The following TPGS2 variants were observed in gnomAD, a reference collection of about 807,000 sequenced individuals.
TPGS2 encodes tubulin polyglutamylase complex subunit 2.
In TPGS2, 26 loss-of-function variants were observed where a neutral mutation model predicts 31.1. That is an observed-to-expected ratio of 0.84 (90% CI 0.61 to 1.16). The LOEUF (loss-of-function observed/expected upper bound fraction) is 1.16. Among genes scored for constraint, TPGS2 ranks in the 50% most tolerant of loss-of-function variants. The probability of loss-of-function intolerance (pLI) is 0.00; values close to 1 mark genes in which losing one functional copy is unlikely to be tolerated. For synonymous variants in TPGS2, 130 were observed against 136.6 expected, an observed-to-expected ratio of 0.95 and a Z score of 0.34; for missense variants, 351 against 363.8, an observed-to-expected ratio of 0.96 and a Z score of 0.29.
At chr18:36,799,739 G>T (rs992437176) in intron 5 of TPGS2, among the ~76,000 whole-genome samples, 1 of 152,186 alleles carries the variant, frequency 6.6e-6, no homozygotes, top group East Asian at 1.9e-4. Context: ...CTGAAGTGCT[G>T]TTAGGGGGCT....
chr18:36,786,489 T>C (rs1305933845), intron 6 of TPGS2: 1 of 164,428 alleles, frequency 6.1e-6, no homozygotes, highest in Non-Finnish European at 1.3e-5. Context: ...AGTGCTGCGA[T>C]TACAGGCCTG....
At chr18:36,808,213 A>C (rs2045257425) in intron 2 of TPGS2, among the ~76,000 whole-genome samples, 1 of 152,182 alleles carries the variant, frequency 6.6e-6, no homozygotes, top group Non-Finnish European at 1.5e-5. Context: ...CAAAGGGAAC[A>C]AGCTGAAGAG....
chr18:36,796,624 C>G lies in TPGS2; in HGVS notation c.*181G>C. ...TTCCAGAGGCAGGGGACAGCACAAC[C>G]TGCTCTGGAGGCCTCACTACGAGCC... On this transcript the variant is annotated 3_prime_UTR_variant, in exon 7 of 7. Transcript: ENST00000334295. 1 of 1,369,466 alleles carries G rather than the reference C, an allele frequency of 7.3e-7. No homozygotes were observed. 84.8% of individuals were successfully genotyped at this position (1,369,466 alleles called of 1,614,324 possible).
chr18:36,805,784 G>C (rs565945925), intron 3 of TPGS2, among the ~76,000 whole-genome samples: 39 of 152,210 alleles, frequency 2.6e-4, no homozygotes, highest in Admixed American at 9.2e-4. Context: ...ACAAAGAACT[G>C]GGAAATCTGG....
rs1341412091 is a variant in TPGS2, at chr18:36,800,314, G to A, written c.383-3C>T. On this transcript the variant is annotated splice_region_variant and splice_polypyrimidine_tract_variant and intron_variant, in intron 4 of 6. Coordinates refer to ENST00000334295, the MANE Select transcript of TPGS2 (RefSeq NM_015476.4). ...CTTCTCTGGCTGATCATCACTGGCT[G>A]CAAACCCAGAAGTTAATGGTAATGT... 1.2e-6 allele frequency: 2 copies of A among 1,613,458 alleles called. No individual in the cohort carries two copies. The highest frequency in any genetic ancestry group is 1.1e-5 in the South Asian group (1 of 91,024).
Position 36,796,692 on chromosome 18 carries a change from T to G in TPGS2, c.*113A>C. 1 of 1,466,482 alleles carries G rather than the reference T, an allele frequency of 6.8e-7. No individual in the cohort carries two copies. The highest frequency in any genetic ancestry group is 2.5e-5 in the East Asian group (1 of 39,426). The allele number at this position is 1,466,482 out of a possible 1,614,324, so 90.8% of individuals were successfully genotyped here. A position where few individuals can be genotyped will look rare whatever the true frequency, so the allele number is the denominator to read the frequency against. On this transcript the variant is annotated 3_prime_UTR_variant, in exon 7 of 7. Coordinates refer to ENST00000334295, the MANE Select transcript of TPGS2 (RefSeq NM_015476.4). The stretch of plus-strand genomic sequence containing the variant: ...ACTAAAAGCCTTACAATTTTGGTCA[T>G]TCAACTAGAAAGAGGCCTACGGTCC...
downstream of TPGS2, among the ~76,000 whole-genome samples, chr18:36,793,104 A>G (rs1247609713): frequency 1.3e-5 from 2 of 152,158 alleles, no homozygotes; most frequent in Non-Finnish European, 1.5e-5. Flanking sequence ...CTGTGCAGTC[A>G]CACAGGGCCC....
At chr18:36,793,635 C>T (rs1336292315), downstream of TPGS2, among the ~76,000 whole-genome samples, 1 of 152,036 alleles carries the variant, frequency 6.6e-6, no homozygotes, top group African/African-American at 2.4e-5. Flanking sequence ...ACTGTTGTGG[C>T]AAGAACGAAA....
chr18:36,803,562 C>T (rs576975781), intron 4 of TPGS2, among the ~76,000 whole-genome samples: 8 of 152,144 alleles, frequency 5.3e-5, no homozygotes, highest in African/African-American at 1.7e-4. Context: ...ACTGCCTTTC[C>T]ATCTATTTTC....
Position 36,795,709 on chromosome 18 carries a change from G to T in TPGS2, c.*1096C>A, listed in dbSNP as rs2044495687. On this transcript the variant is annotated 3_prime_UTR_variant, in exon 7 of 7. Transcript: ENST00000334295. ...TTCCCCCATATGTCAATGGGAAAATGATTTCTGAATTACAGGCAACTTGCT... is the reference window on the plus strand; with the variant it reads ...TTCCCCCATATGTCAATGGGAAAATTATTTCTGAATTACAGGCAACTTGCT... 6.1e-6 allele frequency: 6 copies of T among 985,446 alleles called. No homozygotes were observed. The South Asian group carries it at 2.8e-4, about 46-fold the overall frequency. The allele number at this position is 985,446 out of a possible 1,614,324, so 61.0% of individuals were successfully genotyped here.
downstream of TPGS2, chr18:36,780,108 G>A: frequency 8.1e-6 from 10 of 1,229,594 alleles, no homozygotes; most frequent in Non-Finnish European, 1.0e-5. Context: ...AGTTCCACAG[G>A]CTCGCCTCTT....
chr18:36,823,812 C>G, intron 1 of TPGS2: 1 of 985,220 alleles, frequency 1.0e-6, no homozygotes, highest in South Asian at 4.7e-5. Flanking sequence ...CCTGGATAAT[C>G]TTGCTTTTGC....
At chr18:36,785,371 C>T (rs890893170) in intron 6 of TPGS2, among the ~76,000 whole-genome samples, 1 of 152,170 alleles carries the variant, frequency 6.6e-6, no homozygotes, top group African/African-American at 2.4e-5. Context: ...ATCAATTATA[C>T]ATAACTGGTC....
At chr18:36,800,440 T>C (rs2044750674) in intron 4 of TPGS2, 129 bp from the exon 5 acceptor site, 1 of 744,596 alleles carries the variant, frequency 1.3e-6, no homozygotes, top group South Asian at 1.6e-5. Context: ...TTAAGTAGTA[T>C]TTACAAATAA....
chr18:36,802,127 T>C (rs1481826216), intron 4 of TPGS2, among the ~76,000 whole-genome samples: 1 of 152,224 alleles, frequency 6.6e-6, no homozygotes, highest in African/African-American at 2.4e-5. Flanking sequence ...AAAATCACTG[T>C]TTTATATATT....
chr18:36,820,232 G>C lies in TPGS2; in HGVS notation c.86-1259C>G, dbSNP rs982104505. Among the ~76,000 whole-genome samples, 3 of 152,236 alleles carry C rather than the reference G, an allele frequency of 2.0e-5. No individual in the cohort carries two copies. In the East Asian group the frequency reaches 5.8e-4, roughly 29 times the overall value. On this transcript the variant is annotated intron_variant, in intron 1 of 6. Transcript: ENST00000334295. The stretch of plus-strand genomic sequence containing the variant: ...GGGTCTTCACTTCCCTTTACCTTCA[G>C]TAAGTAAAAATAGACCTTGGGTTTG...
intron 4 of TPGS2, among the ~76,000 whole-genome samples, chr18:36,802,054 C>T (rs2044844569): frequency 6.6e-6 from 1 of 152,212 alleles, no homozygotes; most frequent in Non-Finnish European, 1.5e-5. Context: ...TCTCTAGTCT[C>T]TTCTTCTGCA....
At chr18:36,798,375 C>T (rs759723437) in intron 6 of TPGS2, 74 bp downstream of exon 6, 3 of 1,597,642 alleles carry the variant, frequency 1.9e-6, no homozygotes, top group Non-Finnish European at 2.6e-6. Context: ...AAGTTGGGAA[C>T]CTGCAATGTA....
At chr18:36,815,694 T>C (rs1301036589) in intron 2 of TPGS2, among the ~76,000 whole-genome samples, 1 of 152,100 alleles carries the variant, frequency 6.6e-6, no homozygotes, top group African/African-American at 2.4e-5. Flanking sequence ...AAAAATGGAA[T>C]CTTAAAACAA....
Sources: gnomAD v4.1 joint callset for allele counts (sites outside exome capture counted in the v4.1 genomes callset) on GRCh38, gnomAD v4.1.1 for gene constraint, MANE v1.5 for transcripts, NCBI Gene and HGNC (gene_info 2026-07-23, HGNC 2026-07-21) for gene names.